Variants in STAG1 observed in about 807,000 individuals in gnomAD.
The protein encoded by STAG1 is cohesin subunit SA-1.
In STAG1, 26 loss-of-function variants were observed where a neutral mutation model predicts 170.9. The observed-to-expected ratio is 0.15, with a 90% CI of 0.11 to 0.21. STAG1 has a LOEUF of 0.21. Ranked by LOEUF, STAG1 falls within the 10% of genes least tolerant of loss-of-function variation. STAG1 has a pLI of 1.00. For synonymous variants in STAG1, 514 were observed against 497.7 expected (o/e 1.03, Z -0.44); for missense variants, 964 against 1,509.5 (o/e 0.64, Z 5.99).
At chr3:136,749,835 A>G (rs763805943) in intron 1 of STAG1, among the ~76,000 whole-genome samples, 4 of 152,002 alleles carry the variant, frequency 2.6e-5, no homozygotes, top group Admixed American at 2.6e-4. Flanking sequence ...ATGCTCAGCT[A>G]TACCTCCCCA....
At position 136,363,420 on chromosome 3, in the gene STAG1, G is replaced by T. The variant is rs145404587; in HGVS notation, c.2733C>A (p.Thr911=). 2.3e-5 allele frequency: 37 copies of T among 1,605,676 alleles called. No individual in the cohort carries two copies. In the African/African-American group the frequency reaches 3.8e-4, roughly 16 times the overall value. Residue 911 remains threonine, a synonymous_variant, in exon 26 of 34, where the codon ACC becomes ACA. Transcript: ENST00000383202. ...CACACTGAATTTTATCAATCTGCCT[G>T]GTTTTACTCAGTGTTTCCTTAATAA... is the stretch of plus-strand genomic sequence containing the variant. ...GDIIKETLSK[T]RQIDKIQCAK...
chr3:136,550,445 T>C (rs1219706283), intron 5 of STAG1, among the ~76,000 whole-genome samples: 1 of 151,844 alleles, frequency 6.6e-6, no homozygotes, highest in African/African-American at 2.4e-5. Context: ...GTAGCTGGGA[T>C]TACAGGCGCC....
At chr3:136,630,103 G>A (rs1406602171) in intron 2 of STAG1, among the ~76,000 whole-genome samples, 2 of 152,118 alleles carry the variant, frequency 1.3e-5, no homozygotes, top group South Asian at 2.1e-4. Context: ...GTCGAGGCAG[G>A]AGAATCGCTT....
Position 136,500,315 on chromosome 3 carries a change from T to C in STAG1, c.829-19A>G, listed in dbSNP as rs772963687. ...CTTGCAGCTGAAATGAAAAAATATA[T>C]ATAAGTTGAAATCCTGATCATTTTA... On this transcript the variant is annotated intron_variant, in intron 8 of 33. Transcript: ENST00000383202. 2.7e-6 allele frequency: 4 copies of C among 1,501,192 alleles called. No individual in the cohort carries two copies. Among genetic ancestry groups the C allele is most frequent in the Non-Finnish European group, 2.8e-6 (3 of 1,089,882 alleles). 93.0% of individuals were successfully genotyped at this position (1,501,192 alleles called of 1,614,324 possible).
chr3:136,588,610 G>A (rs948254047), intron 4 of STAG1, among the ~76,000 whole-genome samples: 1 of 152,030 alleles, frequency 6.6e-6, no homozygotes, highest in African/African-American at 2.4e-5. Context: ...AAAATGCTGG[G>A]ATTACAGGCG....
At chr3:136,363,317 G>T (rs1450971116) in intron 26 of STAG1, 49 bp downstream of exon 26, 6 of 956,356 alleles carry the variant, frequency 6.3e-6, no homozygotes, top group Non-Finnish European at 1.0e-5. Context: ...ACAGAGAAGT[G>T]CAATAATGTT....
At chr3:136,557,833 C>T (rs1382572372) in intron 5 of STAG1, among the ~76,000 whole-genome samples, 1 of 152,050 alleles carries the variant, frequency 6.6e-6, no homozygotes, top group Non-Finnish European at 1.5e-5. Context: ...GCCACAGGGC[C>T]TGGTCAATAA....
At chr3:136,537,446 T>C (rs1402617295) in intron 6 of STAG1, among the ~76,000 whole-genome samples, 2 of 151,952 alleles carry the variant, frequency 1.3e-5, no homozygotes, top group Non-Finnish European at 2.9e-5. Context: ...TTAAGTTACA[T>C]ATGACCACTT....
chr3:136,416,636 G>A (rs1265185244), intron 21 of STAG1, among the ~76,000 whole-genome samples: 1 of 152,282 alleles, frequency 6.6e-6, no homozygotes, highest in East Asian at 1.9e-4. Flanking sequence ...TATTTAGGTT[G>A]CTGGTCTGAG....
In STAG1 at chr3:136,542,296, A is replaced by C. The variant is rs574995025; in HGVS notation, c.395-101T>G. The C allele has an allele frequency of 8.1e-4, 665 of 816,340 alleles. 2 individuals are homozygous for C. The highest frequency in any genetic ancestry group is 1.0e-3 in the Non-Finnish European group (520 of 501,308). The allele number at this position is 816,340 out of a possible 1,614,324, so 50.6% of individuals were successfully genotyped here. A position where few individuals can be genotyped will look rare whatever the true frequency, so the allele number is the denominator to read the frequency against. ...AGTTATCTGTGAGAATCCCAAAAGAATAACCTTCCAACATATATTTTATAT... is the reference window on the plus strand; with the variant it reads ...AGTTATCTGTGAGAATCCCAAAAGACTAACCTTCCAACATATATTTTATAT... On this transcript the variant is annotated intron_variant, in intron 5 of 33. Coordinates refer to ENST00000383202, the MANE Select transcript of STAG1 (RefSeq NM_005862.3).
Position 136,581,351 on chromosome 3 carries a change from T to C in STAG1, c.298-12490A>G, listed in dbSNP as rs371543512. Among the ~76,000 whole-genome samples the C allele has an allele frequency of 2.0e-5, 3 of 152,250 alleles. No homozygotes were observed. The East Asian group carries it at 5.8e-4, about 29-fold the overall frequency. On this transcript the variant is annotated intron_variant, in intron 4 of 33. Transcript: ENST00000383202. ...TTTCTTGCCACTTACATGTAGGTTC[T>C]ACTCAATCATTCAGCAAGTTCAAAA...
chr3:136,469,651 A>G (rs1189863395), intron 12 of STAG1, among the ~76,000 whole-genome samples: 1 of 152,208 alleles, frequency 6.6e-6, no homozygotes, highest in Non-Finnish European at 1.5e-5. Flanking sequence ...GTTCATATGG[A>G]ACCAAAAAAG....
At chr3:136,409,066 AC>A (rs1239676096) in intron 21 of STAG1, among the ~76,000 whole-genome samples, 2 of 152,000 alleles carry the variant, frequency 1.3e-5, no homozygotes, top group African/African-American at 4.8e-5. Context: ...GGAGTTTGAG[AC>A]CAGCCTGGCT....
intron 21 of STAG1, among the ~76,000 whole-genome samples, chr3:136,407,977 C>T (rs1174374603): frequency 1.3e-5 from 2 of 151,596 alleles, no homozygotes; most frequent in African/African-American, 4.8e-5. Flanking sequence ...TAACTTTCTT[C>T]CTCTAGTTTT....
At chr3:136,537,771 T>C (rs145560203) in intron 6 of STAG1, among the ~76,000 whole-genome samples, 36 of 152,176 alleles carry the variant, frequency 2.4e-4, no homozygotes, top group African/African-American at 8.4e-4. Flanking sequence ...GCTGGGATTA[T>C]AGGTACGAGT....
At chr3:136,401,910 A>C (rs1447491563) in intron 21 of STAG1, among the ~76,000 whole-genome samples, 1 of 151,934 alleles carries the variant, frequency 6.6e-6, no homozygotes, top group Admixed American at 6.6e-5. Context: ...ACGCCTGACT[A>C]ATTTTTGTAT....
chr3:136,661,477 A>T (rs1332663220), intron 1 of STAG1, among the ~76,000 whole-genome samples: 2 of 152,218 alleles, frequency 1.3e-5, no homozygotes, highest in African/African-American at 4.8e-5. Flanking sequence ...TTCAGTGTCA[A>T]CAAGGGAAAA....
chr3:136,389,510 GATTT>G (rs2086953436), intron 22 of STAG1, among the ~76,000 whole-genome samples: 2 of 151,614 alleles, frequency 1.3e-5, no homozygotes, highest in East Asian at 1.9e-4. Context: ...GGTCAGGCTG[GATTT>G]ATTTATTTTT....
chr3:136,634,096 G>A (rs1314516876), intron 1 of STAG1, among the ~76,000 whole-genome samples: 1 of 150,252 alleles, frequency 6.7e-6, no homozygotes, highest in African/African-American at 2.4e-5. Flanking sequence ...AGCCAAGATC[G>A]TACCACTGCA....
Sources: gnomAD v4.1 joint callset for allele counts (sites outside exome capture counted in the v4.1 genomes callset) on GRCh38, gnomAD v4.1.1 for gene constraint, MANE v1.5 for transcripts, NCBI Gene and HGNC (gene_info 2026-07-23, HGNC 2026-07-21) for gene names.